The following GSTA3 variants were observed in gnomAD, a reference collection of about 807,000 sequenced individuals.
The protein encoded by GSTA3 is glutathione S-transferase alpha 3, also known as glutathione S-transferase A3.
GSTA3 carries 16 observed loss-of-function variants against 23.1 expected under a neutral mutation model. That is an observed-to-expected ratio of 0.69 (90% CI 0.47 to 1.05). GSTA3 has a LOEUF of 1.05. Among genes scored for constraint, GSTA3 ranks in the 50% least tolerant of loss-of-function variants. The pLI is 0.00. For synonymous variants in GSTA3, 122 were observed against 91.0 expected (o/e 1.34, Z -1.94); for missense variants, 319 against 263.6 (o/e 1.21, Z -1.46).
At chr6:52,897,730 C>T (rs1581855172) in intron 6 of GSTA3, 95 bp downstream of exon 6, 1 of 1,427,032 alleles carries the variant, frequency 7.0e-7, no homozygotes, top group East Asian at 2.3e-5. Context: ...CTGAAAAAGG[C>T]TGGGGTCAGA....
chr6:52,899,982 G>A lies in GSTA3; in HGVS notation c.366C>T (p.Ala122=). ...CRPEEKDAKI[A]LIKEKTKSRY... Reference sequence around the variant, plus strand: ...GACTTTTTGTTTTCTCTTTGATCAAGGCAATCTTGGCATCTTTTTCCTCAG... The same window carrying A: ...GACTTTTTGTTTTCTCTTTGATCAAAGCAATCTTGGCATCTTTTTCCTCAG... Residue 122 remains alanine, a synonymous_variant, in exon 5 of 7, where the codon GCC becomes GCT. Coordinates refer to ENST00000211122, the MANE Select transcript of GSTA3 (RefSeq NM_000847.5). The A allele has an allele frequency of 6.2e-7, 1 of 1,614,012 alleles. No individual in the cohort carries two copies. Among genetic ancestry groups the A allele is most frequent in the Non-Finnish European group, 8.5e-7 (1 of 1,179,942 alleles).
intron 4 of GSTA3, among the ~76,000 whole-genome samples, chr6:52,900,921 A>T (rs142976408): frequency 6.6e-6 from 1 of 152,212 alleles, no homozygotes; most frequent in Non-Finnish European, 1.5e-5. Context: ...AATTACTCCC[A>T]TGAAACATAA....
rs1310459667 is a variant in GSTA3, at chr6:52,896,806, T to A, written c.669A>T (p.Ter223TyrextTer1). 3 of 1,613,878 alleles carry A rather than the reference T, an allele frequency of 1.9e-6. No homozygotes were observed. The African/African-American group carries it at 4.0e-5, about 22-fold the overall frequency. Residue 223 changes from the stop codon to tyrosine (Y), a stop_lost, in exon 7 of 7, where the codon TAA becomes TAT. Coordinates refer to ENST00000211122, the MANE Select transcript of GSTA3 (RefSeq NM_000847.5). Reference protein sequence around the residue: ...LEEARKIFRF* With the variant: ...LEEARKIFRFY ...GTTCTTAGCCTCCATGGCTGCTTTA[T>A]TAAAACCTGAAAATCTTTCTGGCTT...
chr6:52,906,297 C>T (rs556345534), intron 1 of GSTA3, among the ~76,000 whole-genome samples: 18 of 152,254 alleles, frequency 1.2e-4, no homozygotes, highest in African/African-American at 4.3e-4. Flanking sequence ...AAAGTATGTG[C>T]AATTTGCCAA....
rs1401927050 is a variant in GSTA3 at position 52,909,679 on chromosome 6, G to A, written c.-60C>T. On this transcript the variant is annotated 5_prime_UTR_variant, in exon 1 of 7. Transcript: ENST00000211122. Reference sequence around the variant, plus strand: ...AGCCGGTCTCCGCTCAGCTTCTCAAGGCCACCTCCTGATGTGTATGTTAGC... The same window carrying A: ...AGCCGGTCTCCGCTCAGCTTCTCAAAGCCACCTCCTGATGTGTATGTTAGC... 1 of 152,152 alleles carries A rather than the reference G, an allele frequency of 6.6e-6. No homozygotes were observed. The allele number at this position is 152,152 out of a possible 1,614,324, so 9.4% of individuals were successfully genotyped here.
rs1766004071 is a variant in GSTA3, at chr6:52,909,667, T to G, written c.-48A>C. On this transcript the variant is annotated 5_prime_UTR_variant, in exon 1 of 7. Transcript: ENST00000211122. Reference sequence around the variant, plus strand: ...TGAGTAAAGTCTAGCCGGTCTCCGCTCAGCTTCTCAAGGCCACCTCCTGAT... The same window carrying G: ...TGAGTAAAGTCTAGCCGGTCTCCGCGCAGCTTCTCAAGGCCACCTCCTGAT... 6.6e-6 allele frequency: 1 copy of G among 152,212 alleles called. No individual in the cohort carries two copies. The highest frequency in any genetic ancestry group is 2.1e-4 in the South Asian group (1 of 4,824). 9.4% of individuals were successfully genotyped at this position (152,212 alleles called of 1,614,324 possible).
At chr6:52,896,977 A>G in intron 6 of GSTA3, 49 bp from the exon 7 acceptor site, 1 of 1,607,926 alleles carries the variant, frequency 6.2e-7, no homozygotes, top group East Asian at 2.2e-5. Context: ...GTCTGCCACC[A>G]CCATTAATAC....
chr6:52,908,275 A>G (rs899425018), intron 1 of GSTA3, among the ~76,000 whole-genome samples: 2 of 151,960 alleles, frequency 1.3e-5, no homozygotes, highest in Non-Finnish European at 2.9e-5. Flanking sequence ...TAATCCCAGC[A>G]CTTCGGAAGG....
chr6:52,905,932 G>T, intron 1 of GSTA3, 77 bp from the exon 2 acceptor site: 1 of 654,506 alleles, frequency 1.5e-6, no homozygotes, highest in South Asian at 1.8e-5. Flanking sequence ...GTATATGAAT[G>T]GTTGAACAAC....
At chr6:52,902,523 C>A (rs767157163) in intron 3 of GSTA3, 45 bp from the exon 4 acceptor site, 34 of 1,557,432 alleles carry the variant, frequency 2.2e-5, no homozygotes, top group Non-Finnish European at 2.8e-5. Context: ...TTCTATGAAT[C>A]CCACTATTTC....
rs45576537 is a variant in GSTA3 at position 52,908,858 on chromosome 6, T to A, written c.-22+783A>T. Among the ~76,000 whole-genome samples the A allele has an allele frequency of 3.5e-3, 527 of 152,252 alleles. 3 individuals are homozygous for A. The highest frequency in any genetic ancestry group is 6.6e-3 in the Admixed American group (101 of 15,304). On this transcript the variant is annotated intron_variant, in intron 1 of 6. Transcript: ENST00000211122. The stretch of plus-strand genomic sequence containing the variant: ...ACCCTAAAAGTCCTATATATTTAGA[T>A]TCACTTGCAATTTTGAGACTTTAAA...
intron 4 of GSTA3, among the ~76,000 whole-genome samples, chr6:52,901,351 A>G (rs1195951798): frequency 2.6e-5 from 4 of 152,230 alleles, no homozygotes; most frequent in Non-Finnish European, 5.9e-5. Flanking sequence ...TGAATATTCT[A>G]GACATTTCAT....
intron 3 of GSTA3, among the ~76,000 whole-genome samples, 171 bp from the exon 4 acceptor site, chr6:52,902,649 T>A (rs1765732067): frequency 6.6e-6 from 1 of 152,250 alleles, no homozygotes; most frequent in Non-Finnish European, 1.5e-5. Flanking sequence ...GTTCTTTTTC[T>A]GACCTGATTC....
Position 52,896,743 on chromosome 6 carries a change from C to G in GSTA3, c.*63G>C. 3.1e-6 allele frequency: 5 copies of G among 1,596,110 alleles called. No individual in the cohort carries two copies. Among genetic ancestry groups the G allele is most frequent in the Non-Finnish European group, 4.3e-6 (5 of 1,167,074 alleles). On this transcript the variant is annotated 3_prime_UTR_variant, in exon 7 of 7. Coordinates refer to ENST00000211122, the MANE Select transcript of GSTA3 (RefSeq NM_000847.5). ...GCACAATCAACACTTAAGTAAAGCA[C>G]TTCATTGTTGCAAAACTTTAGAATA...
intron 1 of GSTA3, among the ~76,000 whole-genome samples, chr6:52,906,694 C>G (rs1018006730): frequency 3.3e-5 from 5 of 151,118 alleles, no homozygotes; most frequent in African/African-American, 4.9e-5. Context: ...ACAAACCTGA[C>G]AAAAACAAGC....
At chr6:52,907,010 A>G (rs1047373172) in intron 1 of GSTA3, among the ~76,000 whole-genome samples, 10 of 148,804 alleles carry the variant, frequency 6.7e-5, no homozygotes, top group Non-Finnish European at 4.5e-5. Flanking sequence ...AGAAACTACC[A>G]TCAGAGTGAA....
intron 2 of GSTA3, 43 bp downstream of exon 2, chr6:52,905,705 A>T (rs766604611): frequency 1.5e-4 from 166 of 1,110,296 alleles, no homozygotes; most frequent in Admixed American, 5.8e-4. Context: ...ATTTTGATAC[A>T]GTCAATTAGG....
intron 5 of GSTA3, 83 bp from the exon 6 acceptor site, chr6:52,898,039 A>T: frequency 6.7e-7 from 1 of 1,497,780 alleles, no homozygotes; most frequent in South Asian, 1.1e-5. Flanking sequence ...TTCCAGCCTG[A>T]CATTCCCACC....
intron 2 of GSTA3, among the ~76,000 whole-genome samples, chr6:52,904,041 C>G (rs1382093545): frequency 6.6e-6 from 1 of 150,980 alleles, no homozygotes; most frequent in African/African-American, 2.5e-5. Flanking sequence ...GGCTTAAGTA[C>G]AGTGGTATGA....
Sources: allele counts gnomAD v4.1 joint callset (sites outside exome capture counted in the v4.1 genomes callset), GRCh38; gene constraint gnomAD v4.1.1; transcripts MANE v1.5; gene names NCBI Gene and HGNC (gene_info 2026-07-23, HGNC 2026-07-21).